The following C5 variants were observed in gnomAD, a reference collection of about 807,000 sequenced individuals.
C5 encodes the protein C3 and PZP-like alpha-2-macroglobulin domain-containing protein 4.
C5 carries 140 observed loss-of-function variants against 218.8 expected under a neutral mutation model. The observed-to-expected ratio is 0.64, with a 90% CI of 0.56 to 0.74. The LOEUF (loss-of-function observed/expected upper bound fraction) is 0.74. Among genes scored for constraint, C5 ranks in the 30% least tolerant of loss-of-function variants. The pLI is 0.00. For missense variants in C5, 1,700 were observed against 1,969.6 expected, an observed-to-expected ratio of 0.86 and a Z score of 2.59; for synonymous variants, 614 against 682.3, an observed-to-expected ratio of 0.90 and a Z score of 1.56.
At chr9:121,002,759 G>C (rs1233616680) in intron 20 of C5, among the ~76,000 whole-genome samples, 2 of 152,080 alleles carry the variant, frequency 1.3e-5, no homozygotes, top group African/African-American at 4.8e-5. Context: ...GAAGCATTCT[G>C]TCTGCAGAAA....
intron 6 of C5, 36 bp downstream of exon 6, chr9:121,032,077 A>G: frequency 7.3e-7 from 1 of 1,367,644 alleles, no homozygotes. Flanking sequence ...ACAAAAAACA[A>G]AAAGCAAAGA....
At chr9:121,014,137 T>A in intron 16 of C5, 67 bp from the exon 17 acceptor site, 3 of 1,378,310 alleles carry the variant, frequency 2.2e-6, no homozygotes, top group Non-Finnish European at 3.1e-6. Context: ...TTAGAAGGAA[T>A]CTCAAGGGAT....
intron 2 of C5, among the ~76,000 whole-genome samples, chr9:121,045,516 T>C (rs757744834): frequency 4.3e-4 from 65 of 152,174 alleles, no homozygotes; most frequent in Non-Finnish European, 5.1e-4. Context: ...TTAATTTCTT[T>C]ATAAAGAACT....
intron 38 of C5, 147 bp from the exon 39 acceptor site, chr9:120,957,515 C>T: frequency 1.5e-6 from 1 of 650,552 alleles, no homozygotes; most frequent in Non-Finnish European, 2.8e-6. Context: ...TTCCCCAATC[C>T]CCTCAGTCTG....
intron 1 of C5, 30 bp from the exon 2 acceptor site, chr9:121,046,413 T>G: frequency 7.0e-7 from 1 of 1,430,800 alleles, no homozygotes; most frequent in Non-Finnish European, 9.9e-7. Context: ...TAAGGCTCAA[T>G]GTCTTTATAT....
chr9:121,039,784 G>A (rs1381860854), intron 3 of C5, among the ~76,000 whole-genome samples: 2 of 152,098 alleles, frequency 1.3e-5, no homozygotes, highest in Admixed American at 1.3e-4. Context: ...GAGTAGCTGG[G>A]ACTACAGGCA....
chr9:120,999,710 A>G (rs1192232030), intron 20 of C5: 4 of 234,390 alleles, frequency 1.7e-5, no homozygotes, highest in African/African-American at 9.5e-5. Context: ...TAGAAGATTC[A>G]ATCCAAAATT....
At chr9:120,972,119 G>C in intron 30 of C5, 127 bp from the exon 31 acceptor site, 1 of 744,314 alleles carries the variant, frequency 1.3e-6, no homozygotes, top group African/African-American at 1.7e-5. Context: ...AGAGTAACTG[G>C]ATGAGACACT....
At chr9:121,000,359 T>A (rs2047151136) in intron 20 of C5, among the ~76,000 whole-genome samples, 1 of 152,100 alleles carries the variant, frequency 6.6e-6, no homozygotes, top group African/African-American at 2.4e-5. Context: ...ATCAAAAACG[T>A]TTGAAAAATA....
chr9:121,024,058 C>T (rs72758183), intron 9 of C5, among the ~76,000 whole-genome samples: 11,304 of 147,922 alleles, frequency 0.076, 498 homozygotes, highest in Non-Finnish European at 0.11. Flanking sequence ...AACTAAAAAA[C>T]GAAAACAAAA....
At chr9:120,975,078 G>A (rs1014396332) in intron 29 of C5, 147 bp from the exon 30 acceptor site, 1 of 832,664 alleles carries the variant, frequency 1.2e-6, no homozygotes, top group Non-Finnish European at 2.0e-6. Context: ...GAGCCCCATT[G>A]TGGAGGTGGA....
chr9:121,030,262 T>C (rs1012697468), intron 7 of C5, 135 bp downstream of exon 7: 7 of 589,608 alleles, frequency 1.2e-5, no homozygotes, highest in Non-Finnish European at 2.1e-5. Context: ...TGATGTCTCC[T>C]TTATCAATTA....
In C5 at chr9:121,037,917, C is replaced by T. The variant is rs770873543; in HGVS notation, c.456G>A (p.Leu152=). 1.8e-5 allele frequency: 28 copies of T among 1,535,362 alleles called. No individual in the cohort carries two copies. The South Asian group carries it at 3.1e-4, about 17-fold the overall frequency. ...AGACAGTTTCTCTTTTGGCTGGCTT[C>T]AAGTCGTCATTCAACGAATAAACTC... The part of the protein sequence containing the change: ...KVRVYSLNDD[L]KPAKRETVLT... Residue 152 remains leucine (L), a synonymous_variant, in exon 4 of 41, where the codon TTG becomes TTA. Coordinates refer to ENST00000223642, the MANE Select transcript of C5 (RefSeq NM_001735.3).
At chr9:120,962,186 T>C (rs1280423882) in intron 36 of C5, among the ~76,000 whole-genome samples, 1 of 152,210 alleles carries the variant, frequency 6.6e-6, no homozygotes, top group Non-Finnish European at 1.5e-5. Context: ...GACGCTGCGT[T>C]AGATACTAGG....
intron 8 of C5, among the ~76,000 whole-genome samples, chr9:121,026,091 C>T (rs2047419369): frequency 6.6e-6 from 1 of 152,074 alleles, no homozygotes; most frequent in African/African-American, 2.4e-5. Context: ...GACTTGAGGG[C>T]AGGCATTTTT....
Position 121,013,761 on chromosome 9 carries a change from C to T in C5, c.2257+112G>A. ...TTTCTTATGGACATTTACAAGTTAT[C>T]TTTTCTACTTTCAATTCTAAATAGA... is the stretch of plus-strand genomic sequence containing the variant. On this transcript the variant is annotated intron_variant, in intron 17 of 40. Transcript: ENST00000223642. 3 of 1,000,532 alleles carry T rather than the reference C, an allele frequency of 3.0e-6. No homozygotes were observed. The South Asian group carries it at 4.3e-5, about 14-fold the overall frequency. The allele number at this position is 1,000,532 out of a possible 1,614,324, so 62.0% of individuals were successfully genotyped here. A position where few individuals can be genotyped will look rare whatever the true frequency, so the allele number is the denominator to read the frequency against.
intron 37 of C5, among the ~76,000 whole-genome samples, chr9:120,960,917 G>A (rs1379596448): frequency 6.6e-6 from 1 of 152,198 alleles, no homozygotes; most frequent in Non-Finnish European, 1.5e-5. Flanking sequence ...AAATGATAAT[G>A]TGACTGATTT....
the C5 span, among the ~76,000 whole-genome samples, chr9:121,073,260 C>G: frequency 1.3e-5 from 2 of 152,198 alleles, no homozygotes; most frequent in African/African-American, 4.8e-5. Flanking sequence ...ACTTAACATT[C>G]AGCACATTGC....
intron 12 of C5, among the ~76,000 whole-genome samples, chr9:121,018,252 C>CA (rs1189613789): frequency 0.15 from 6,126 of 41,936 alleles, 628 homozygotes; most frequent in African/African-American, 0.22. Flanking sequence ...GACTCTGTCT[C>CA]AAAAAAAAAA....
Sources: gnomAD v4.1 joint callset for allele counts (sites outside exome capture counted in the v4.1 genomes callset) on GRCh38, gnomAD v4.1.1 for gene constraint, MANE v1.5 for transcripts, NCBI Gene and HGNC (gene_info 2026-07-23, HGNC 2026-07-21) for gene names.